ST3GAL2: variants seen among roughly 807,000 people sequenced by gnomAD.
ST3GAL2 encodes CMP-N-acetylneuraminate-beta-galactosamide-alpha-2,3-sialyltransferase 2.
Under a neutral mutation model 37.5 loss-of-function variants are expected in ST3GAL2, and 16 were observed. That is an observed-to-expected ratio of 0.43 (90% CI 0.29 to 0.65). ST3GAL2 has a LOEUF of 0.65. Ranked by LOEUF, ST3GAL2 falls within the 30% of genes least tolerant of loss-of-function variation. The pLI is 0.17. For missense variants in ST3GAL2, 383 were observed against 487.8 expected (o/e 0.79, Z 2.02); for synonymous variants, 238 against 202.9 (o/e 1.17, Z -1.47).
Position 70,380,247 on chromosome 16 carries a change from C to T in ST3GAL2, c.*1442G>A, listed in dbSNP as rs2047388047. 1.3e-5 allele frequency: 2 copies of T among 152,244 alleles called. No homozygotes were observed. The highest frequency in any genetic ancestry group is 4.1e-4 in the South Asian group (2 of 4,834). 9.4% of individuals were successfully genotyped at this position (152,244 alleles called of 1,614,324 possible). ...AACTTTCAGGGGCCCACTGCCCATC[C>T]CAACCCTCCCCTAACAAAGTCCCCT... On this transcript the variant is annotated 3_prime_UTR_variant, in exon 7 of 7. Transcript: ENST00000342907.
At chr16:70,425,175 T>C (rs1370441430) in intron 1 of ST3GAL2, among the ~76,000 whole-genome samples, 1 of 150,886 alleles carries the variant, frequency 6.6e-6, no homozygotes, top group East Asian at 1.9e-4. Flanking sequence ...AAAAAAAAAG[T>C]GATAGGCCAG....
chr16:70,386,765 C>T (rs1463706750), intron 4 of ST3GAL2, among the ~76,000 whole-genome samples: 6 of 152,080 alleles, frequency 3.9e-5, no homozygotes, highest in Non-Finnish European at 8.8e-5. Flanking sequence ...CCTGTCTCAG[C>T]GTCCTGAGTA....
chr16:70,408,661 T>C (rs2047610821), intron 1 of ST3GAL2, among the ~76,000 whole-genome samples: 1 of 151,684 alleles, frequency 6.6e-6, no homozygotes, highest in African/African-American at 2.4e-5. Context: ...CTGCAGGACA[T>C]CCAACTTTGA....
At chr16:70,409,805 ATTTTT>A in intron 1 of ST3GAL2, among the ~76,000 whole-genome samples, 1 of 129,058 alleles carries the variant, frequency 7.7e-6, no homozygotes, top group East Asian at 2.2e-4. Context: ...ACCTGGCTAA[ATTTTT>A]TTTTTTTTTT....
intron 1 of ST3GAL2, chr16:70,422,894 A>C (rs1249542922): frequency 6.6e-6 from 1 of 152,252 alleles, no homozygotes; most frequent in African/African-American, 2.4e-5. Flanking sequence ...CACAAACTGG[A>C]AGTGACAGAG....
chr16:70,433,274 T>C lies in ST3GAL2; in HGVS notation c.-1004+5675A>G, dbSNP rs554618234. On this transcript the variant is annotated intron_variant, in intron 1 of 6. Transcript: ENST00000342907. ...CTGCATACCTCAATTGGACTCTATCTAGTTCTCCATCTCCTCCCTCCCTCC... is the reference window on the plus strand; with the variant it reads ...CTGCATACCTCAATTGGACTCTATCCAGTTCTCCATCTCCTCCCTCCCTCC... 2.6e-5 allele frequency among the ~76,000 whole-genome samples: 4 copies of C among 152,238 alleles called. No homozygotes were observed. In the East Asian group the frequency reaches 7.7e-4, roughly 29 times the overall value.
At position 70,380,125 on chromosome 16, in the gene ST3GAL2, G is replaced by A. The variant is rs1171048306; in HGVS notation, c.*1564C>T. On this transcript the variant is annotated 3_prime_UTR_variant, in exon 7 of 7. Transcript: ENST00000342907. Reference sequence around the variant, plus strand: ...TGGGGGAGGGGGGAGCGCCCTGAGAGAGGCATTCTACTAACCCCACCCCAA... The same window carrying A: ...TGGGGGAGGGGGGAGCGCCCTGAGAAAGGCATTCTACTAACCCCACCCCAA... The A allele has an allele frequency of 6.6e-6, 1 of 152,226 alleles. No homozygotes were observed. The highest frequency in any genetic ancestry group is 1.9e-4 in the East Asian group (1 of 5,190). The allele number at this position is 152,226 out of a possible 1,614,324, so 9.4% of individuals were successfully genotyped here.
At chr16:70,400,091 T>G (rs1237945767) in intron 1 of ST3GAL2, 2 of 152,568 alleles carry the variant, frequency 1.3e-5, no homozygotes, top group African/African-American at 4.8e-5. Context: ...AACCTGGCTG[T>G]GTCAGGAGGT....
At chr16:70,397,673 C>T (rs111965200) in intron 2 of ST3GAL2, among the ~76,000 whole-genome samples, 2 of 152,260 alleles carry the variant, frequency 1.3e-5, no homozygotes, top group Admixed American at 6.5e-5. Context: ...TTACAGTGAG[C>T]CATCACTGTG....
chr16:70,398,574 C>T lies in ST3GAL2; in HGVS notation c.-44G>A. On this transcript the variant is annotated 5_prime_UTR_variant, in exon 2 of 7. Coordinates refer to ENST00000342907, the MANE Select transcript of ST3GAL2 (RefSeq NM_006927.4). The stretch of plus-strand genomic sequence containing the variant: ...ACGGTCACCGTGGCCACTCTTTTCC[C>T]AGCCCGCTGAGGGGCCAGCCACGGC... 6.6e-7 allele frequency: 1 copy of T among 1,524,636 alleles called. No individual in the cohort carries two copies. Among genetic ancestry groups the T allele is most frequent in the Admixed American group, 2.0e-5 (1 of 50,980 alleles). The allele number at this position is 1,524,636 out of a possible 1,614,324, so 94.4% of individuals were successfully genotyped here.
rs1024958288 is a variant in ST3GAL2 at position 70,407,126 on chromosome 16, T to C, written c.-1003-7593A>G. On this transcript the variant is annotated intron_variant, in intron 1 of 6. Transcript: ENST00000342907. ...GGAGTAACTAGGGAAATTTAGGAGGTGGCAAGACAACACTATGGCCTTTTT... is the reference window on the plus strand; with the variant it reads ...GGAGTAACTAGGGAAATTTAGGAGGCGGCAAGACAACACTATGGCCTTTTT... Among the ~76,000 whole-genome samples the C allele has an allele frequency of 1.2e-3, 182 of 149,172 alleles. 1 individual carries two copies. The highest frequency in any genetic ancestry group is 1.5e-3 in the Non-Finnish European group (102 of 67,540).
intron 1 of ST3GAL2, among the ~76,000 whole-genome samples, chr16:70,422,237 G>T (rs201052836): frequency 1.3e-5 from 2 of 152,142 alleles, no homozygotes; most frequent in Non-Finnish European, 2.9e-5. Flanking sequence ...CTGACCTCAC[G>T]CACTCCCTGC....
intron 1 of ST3GAL2, among the ~76,000 whole-genome samples, chr16:70,433,644 T>G (rs112439989): frequency 1.3e-5 from 2 of 152,136 alleles, no homozygotes; most frequent in African/African-American, 4.8e-5. Context: ...CTGGAGCAGA[T>G]GCATCCTGGC....
intron 1 of ST3GAL2, among the ~76,000 whole-genome samples, chr16:70,417,275 C>T (rs947751586): frequency 6.6e-6 from 1 of 152,226 alleles, no homozygotes; most frequent in African/African-American, 2.4e-5. Context: ...AGCACTGACT[C>T]TGGCTCCACA....
chr16:70,428,734 C>G (rs2047768354), intron 1 of ST3GAL2, among the ~76,000 whole-genome samples: 1 of 152,202 alleles, frequency 6.6e-6, no homozygotes, highest in South Asian at 2.1e-4. Context: ...CACTACCTTC[C>G]TCCTCTTCTC....
At chr16:70,386,283 G>A (rs950120271) in intron 4 of ST3GAL2, among the ~76,000 whole-genome samples, 28 of 152,164 alleles carry the variant, frequency 1.8e-4, no homozygotes, top group African/African-American at 6.7e-4. Context: ...CGCCTCCCGG[G>A]TTCACGCCAT....
intron 1 of ST3GAL2, among the ~76,000 whole-genome samples, chr16:70,437,524 G>C (rs995454968): frequency 1.6e-5 from 2 of 128,336 alleles, no homozygotes; most frequent in Non-Finnish European, 3.2e-5. Flanking sequence ...AAAAAAATCT[G>C]AAGAGGACAA....
intron 1 of ST3GAL2, among the ~76,000 whole-genome samples, chr16:70,434,085 A>G (rs931682956): frequency 6.6e-6 from 1 of 152,136 alleles, no homozygotes; most frequent in Admixed American, 6.6e-5. Flanking sequence ...CCCTCCCAGG[A>G]ACAGCAACTT....
chr16:70,383,103 G>A, intron 5 of ST3GAL2, 87 bp downstream of exon 5: 1 of 1,589,534 alleles, frequency 6.3e-7, no homozygotes. Context: ...TTCTGCAGGG[G>A]AAATGGAACA....
Sources: allele counts gnomAD v4.1 joint callset (sites outside exome capture counted in the v4.1 genomes callset), GRCh38; gene constraint gnomAD v4.1.1; transcripts MANE v1.5; gene names NCBI Gene and HGNC (gene_info 2026-07-23, HGNC 2026-07-21).